Variants in PSKH1 observed in about 807,000 individuals in gnomAD.
PSKH1 encodes the protein protein serine kinase H1, also known as serine/threonine-protein kinase H1.
A neutral mutation model predicts 26.7 loss-of-function variants in PSKH1; 12 were observed. The observed-to-expected ratio is 0.45, with a 90% CI of 0.29 to 0.73. The LOEUF is 0.73. Ranked by LOEUF, PSKH1 falls within the 30% of genes least tolerant of loss-of-function variation. PSKH1 has a pLI of 0.11. For synonymous variants in PSKH1, 213 were observed against 234.3 expected (o/e 0.91, Z 0.83); for missense variants, 431 against 595.2 (o/e 0.72, Z 2.87).
rs1201093927 is a variant in PSKH1, at chr16:67,928,394, T to G, written c.*752T>G. ...GTCTCAGCCCACCGCCCTTGGTGCC[T>G]TCTTTGTAGAGCCCACCGCTACCTC... On this transcript the variant is annotated 3_prime_UTR_variant, in exon 3 of 3. Coordinates refer to ENST00000291041, the MANE Select transcript of PSKH1 (RefSeq NM_006742.3). The surrounding 1 kb of genome is among the most constrained non-coding windows in gnomAD (Gnocchi z 4.8). The G allele has an allele frequency of 6.6e-6, 1 of 152,670 alleles. No homozygotes were observed. The highest frequency in any genetic ancestry group is 2.4e-5 in the African/African-American group (1 of 41,424). The allele number at this position is 152,670 out of a possible 1,614,324, so 9.5% of individuals were successfully genotyped here.
chr16:67,924,354 T>C (rs987991489), intron 2 of PSKH1, among the ~76,000 whole-genome samples: 4 of 152,214 alleles, frequency 2.6e-5, no homozygotes, highest in Non-Finnish European at 4.4e-5. Flanking sequence ...GGGATCAATC[T>C]GGCTCGCTTT....
chr16:67,916,693 T>A (rs1005202200), intron 2 of PSKH1, among the ~76,000 whole-genome samples: 1 of 152,068 alleles, frequency 6.6e-6, no homozygotes, highest in African/African-American at 2.4e-5. Flanking sequence ...GCTACTGGAA[T>A]AATTCCATCC....
chr16:67,916,938 C>A lies in PSKH1; in HGVS notation c.957+7232C>A, dbSNP rs1325137791. On this transcript the variant is annotated intron_variant, in intron 2 of 2. Coordinates refer to ENST00000291041, the MANE Select transcript of PSKH1 (RefSeq NM_006742.3). The stretch of plus-strand genomic sequence containing the variant: ...ACTCCAGATCCCCCAGCCTGAAGCC[C>A]ATGCCCTAGACCCCACCCCACTCCC... 2.6e-5 allele frequency among the ~76,000 whole-genome samples: 4 copies of A among 152,276 alleles called. No homozygotes were observed. In the East Asian group the frequency reaches 7.7e-4, roughly 29 times the overall value.
At chr16:67,923,746 C>G (rs1046697477) in intron 2 of PSKH1, among the ~76,000 whole-genome samples, 8 of 152,216 alleles carry the variant, frequency 5.3e-5, no homozygotes, top group African/African-American at 1.9e-4. Flanking sequence ...TATACTGAGG[C>G]ACGAGTTCAG....
At chr16:67,921,161 C>G (rs2058201281) in intron 2 of PSKH1, among the ~76,000 whole-genome samples, 2 of 152,036 alleles carry the variant, frequency 1.3e-5, no homozygotes, top group African/African-American at 2.4e-5. Context: ...GCCTGTAATC[C>G]CAGCTACTTG....
intron 1 of PSKH1, among the ~76,000 whole-genome samples, chr16:67,894,195 C>T (rs531830740): frequency 3.3e-5 from 5 of 152,292 alleles, no homozygotes; most frequent in African/African-American, 1.2e-4. Flanking sequence ...CTCTATTGCC[C>T]AAGCTGGAGT....
intron 2 of PSKH1, among the ~76,000 whole-genome samples, chr16:67,919,978 G>C (rs2058197624): frequency 6.6e-6 from 1 of 152,180 alleles, no homozygotes; most frequent in South Asian, 2.1e-4. Flanking sequence ...AGCCGTTCCT[G>C]CTGACCACCC....
At chr16:67,902,957 TC>T (rs2058146004) in intron 1 of PSKH1, 1 of 152,068 alleles carries the variant, frequency 6.6e-6, no homozygotes, top group South Asian at 2.1e-4. Flanking sequence ...AATTCCACAG[TC>T]CGTAGTTCTA....
At chr16:67,896,803 A>C (rs1181625221) in intron 1 of PSKH1, among the ~76,000 whole-genome samples, 1 of 152,134 alleles carries the variant, frequency 6.6e-6, no homozygotes, top group Non-Finnish European at 1.5e-5. Flanking sequence ...TGTGCTTGTT[A>C]AGTTGCATAA....
intron 1 of PSKH1, among the ~76,000 whole-genome samples, chr16:67,900,154 G>A (rs1399750636): frequency 6.6e-6 from 1 of 151,600 alleles, no homozygotes; most frequent in East Asian, 1.9e-4. Flanking sequence ...GTAGAGATGG[G>A]TTTCACCATG....
rs140736884 is a variant in PSKH1 at position 67,902,539 on chromosome 16, G to C, written c.-70-6141G>C. Among the ~76,000 whole-genome samples, 459 of 152,080 alleles carry C rather than the reference G, an allele frequency of 3.0e-3. 8 individuals carry two copies. Among genetic ancestry groups the C allele is most frequent in the African/African-American group, 0.011 (441 of 41,452 alleles). On this transcript the variant is annotated intron_variant, in intron 1 of 2. Transcript: ENST00000291041. Reference sequence around the variant, plus strand: ...TCTCAAACTCTTGACCTTGTGATCCGCCCACCTCAGCCTCCCAAAGTGCTG... The same window carrying C: ...TCTCAAACTCTTGACCTTGTGATCCCCCCACCTCAGCCTCCCAAAGTGCTG...
chr16:67,915,025 T>G (rs1450990972), intron 2 of PSKH1, among the ~76,000 whole-genome samples: 2 of 152,132 alleles, frequency 1.3e-5, no homozygotes, highest in African/African-American at 4.8e-5. Context: ...GCTAACTGGC[T>G]ATTGATTACC....
chr16:67,908,585 T>C, intron 1 of PSKH1, 95 bp from the exon 2 acceptor site: 1 of 606,958 alleles, frequency 1.6e-6, no homozygotes, highest in Non-Finnish European at 2.8e-6. Context: ...TTGGTTTTAA[T>C]GAGACTGAGT....
intron 1 of PSKH1, among the ~76,000 whole-genome samples, chr16:67,898,032 A>G (rs1222560366): frequency 6.6e-6 from 1 of 151,932 alleles, no homozygotes; most frequent in Non-Finnish European, 1.5e-5. Flanking sequence ...TGTATTTTTT[A>G]GTAGAGACGG....
Position 67,909,680 on chromosome 16 carries a change from A to G in PSKH1, c.931A>G (p.Arg311Gly), listed in dbSNP as rs769949236. 5.0e-6 allele frequency: 8 copies of G among 1,612,662 alleles called. No individual in the cohort carries two copies. The Admixed American group carries it at 1.0e-4, about 20-fold the overall frequency. The change falls in exon 2 of 3, where the codon AGG becomes GGG. Residue 311 changes from arginine to glycine, a missense_variant. Physicochemically the swap from Arg to Gly is moderately radical, Grantham distance 125 (BLOSUM62 -2). Transcript: ENST00000291041. The surrounding 1 kb of genome is among the most constrained non-coding windows in gnomAD (Gnocchi z 7.8). ...TACCCGGCTGTACCGGCAGATCCTC[A>G]GGGGCAAGTACAGTTACTCTGGGGA... ...NRTRLYRQILRGKYSYSGEPW... is the reference protein window; with the variant it reads ...NRTRLYRQILGGKYSYSGEPW...
intron 1 of PSKH1, among the ~76,000 whole-genome samples, chr16:67,895,990 G>A (rs1042373008): frequency 6.6e-6 from 1 of 152,208 alleles, no homozygotes; most frequent in South Asian, 2.1e-4. Context: ...AGAGAGGAGT[G>A]AGATGGTACA....
At chr16:67,923,975 A>G (rs1209476008) in intron 2 of PSKH1, among the ~76,000 whole-genome samples, 1 of 152,138 alleles carries the variant, frequency 6.6e-6, no homozygotes, top group Non-Finnish European at 1.5e-5. Flanking sequence ...GCTGTGGGCG[A>G]GTGTGGAAAG....
intron 2 of PSKH1, among the ~76,000 whole-genome samples, chr16:67,917,143 A>G (rs566300264): frequency 3.9e-5 from 6 of 152,110 alleles, no homozygotes; most frequent in Admixed American, 6.5e-5. Flanking sequence ...TACACCCCCC[A>G]TCTCCAATCT....
chr16:67,909,449 A>G lies in PSKH1; in HGVS notation c.700A>G (p.Lys234Glu), dbSNP rs774682036. 2 of 1,613,426 alleles carry G rather than the reference A, an allele frequency of 1.2e-6. No homozygotes were observed. Among genetic ancestry groups the G allele is most frequent in the South Asian group, 1.1e-5 (1 of 91,062 alleles). ...CTACTACCATCCGGGCACTGACTCC[A>G]AGATCATCATCACCGACTTCGGCCT... is the stretch of plus-strand genomic sequence containing the variant. ...LLYYHPGTDS[K>E]IIITDFGLAS... The change falls in exon 2 of 3, where the codon AAG becomes GAG. Residue 234 changes from lysine (K) to glutamate (E), a missense_variant. Transcript: ENST00000291041. This position sits in a 1 kb window ranked among gnomAD's most constrained non-coding sequence, Gnocchi z 7.8.
Sources: gnomAD v4.1 joint callset for allele counts (sites outside exome capture counted in the v4.1 genomes callset) on GRCh38, gnomAD v4.1.1 for gene constraint, Gnocchi (gnomAD v3.1) non-coding constraint, MANE v1.5 for transcripts, NCBI Gene and HGNC (gene_info 2026-07-23, HGNC 2026-07-21) for gene names.